Variants in GSG1L observed in about 807,000 individuals in gnomAD.
GSG1L encodes the protein germ cell-specific gene 1-like protein.
In GSG1L, 24 loss-of-function variants were observed where a neutral mutation model predicts 42.1. The observed-to-expected ratio is 0.57, with a 90% CI of 0.41 to 0.80. The LOEUF (loss-of-function observed/expected upper bound fraction) is 0.80. GSG1L is among the 30% of genes least tolerant of loss of function. GSG1L has a pLI of 0.00. For missense variants in GSG1L, 445 were observed against 472.2 expected (o/e 0.94, Z 0.53); for synonymous variants, 215 against 203.5 (o/e 1.06, Z -0.48).
chr16:27,956,115 G>T (rs551389722), intron 2 of GSG1L, among the ~76,000 whole-genome samples: 57 of 152,204 alleles, frequency 3.7e-4, no homozygotes, highest in African/African-American at 1.3e-3. Context: ...AATGATAGTT[G>T]GTTAATCTAG....
chr16:27,866,544 A>G (rs1261528512), intron 3 of GSG1L, among the ~76,000 whole-genome samples: 1 of 152,028 alleles, frequency 6.6e-6, no homozygotes, highest in Non-Finnish European at 1.5e-5. Flanking sequence ...CTCCACCCCT[A>G]CCCAAATGCA....
rs1191605607 is a variant in GSG1L, at chr16:27,787,622, C to T, written c.*3748G>A. 3 of 152,234 alleles carry T rather than the reference C, an allele frequency of 2.0e-5. No homozygotes were observed. Among genetic ancestry groups the T allele is most frequent in the Non-Finnish European group, 4.4e-5 (3 of 68,038 alleles). The allele number at this position is 152,234 out of a possible 1,614,324, so 9.4% of individuals were successfully genotyped here. A position where few individuals can be genotyped will look rare whatever the true frequency, so the allele number is the denominator to read the frequency against. On this transcript the variant is annotated 3_prime_UTR_variant, in exon 7 of 7. Coordinates refer to ENST00000447459, the MANE Select transcript of GSG1L (RefSeq NM_001109763.2). ...ATTTTGGTTTCATCCTAAGCAGTAA[C>T]GTCTGTGAAGTCATAGCACTGATGT...
At chr16:27,846,039 A>T (rs566642013) in intron 3 of GSG1L, among the ~76,000 whole-genome samples, 1 of 152,062 alleles carries the variant, frequency 6.6e-6, no homozygotes, top group South Asian at 2.1e-4. Flanking sequence ...AGTAGCTGGG[A>T]CTACAAGCAC....
At chr16:27,836,659 C>G (rs1433000644) in intron 4 of GSG1L, among the ~76,000 whole-genome samples, 3 of 152,090 alleles carry the variant, frequency 2.0e-5, no homozygotes, top group Non-Finnish European at 4.4e-5. Flanking sequence ...ATTGAGCTTT[C>G]TATTTTGGTT....
intron 3 of GSG1L, among the ~76,000 whole-genome samples, chr16:27,874,784 C>T (rs1031782388): frequency 3.3e-5 from 5 of 152,106 alleles, no homozygotes; most frequent in Non-Finnish European, 7.4e-5. Flanking sequence ...ACAGCTGTCA[C>T]CTTAAGTAGA....
intron 2 of GSG1L, among the ~76,000 whole-genome samples, chr16:27,900,220 G>A (rs761204789): frequency 2.0e-5 from 3 of 152,182 alleles, no homozygotes; most frequent in Admixed American, 2.0e-4. Flanking sequence ...CACACCCAGT[G>A]ACAACCACGC....
At chr16:27,830,470 C>T (rs929602095) in intron 4 of GSG1L, among the ~76,000 whole-genome samples, 14 of 150,296 alleles carry the variant, frequency 9.3e-5, no homozygotes, top group Non-Finnish European at 4.4e-5. Context: ...AGGACTCTGC[C>T]TTTCTCAAAG....
At chr16:27,808,683 A>G (rs1022135128) in intron 5 of GSG1L, among the ~76,000 whole-genome samples, 8 of 152,132 alleles carry the variant, frequency 5.3e-5, no homozygotes, top group African/African-American at 1.9e-4. Flanking sequence ...CCTCCCAATA[A>G]AACACTTCCT....
rs1193632295 is a variant in GSG1L at position 27,888,462 on chromosome 16, T to TTCTTTCTTTCTTTC, written c.398-3825_398-3824insGAAAGAAAGAAAGA. On this transcript the variant is annotated intron_variant, in intron 2 of 6. Transcript: ENST00000447459. ...TTTCTTTCTTTCTTTCTTTCTTTCTTTCTCTCTCTCTCTCTCTTTCCTTTC... is the reference window on the plus strand; with the variant it reads ...TTTCTTTCTTTCTTTCTTTCTTTCTTTCTTTCTTTCTTTCTCTCTCTCTCTCTCTCTTTCCTTTC... Among the ~76,000 whole-genome samples, 4 of 37,914 alleles carry TTCTTTCTTTCTTTC rather than the reference T, an allele frequency of 1.1e-4. 1 individual carries two copies. In the East Asian group the frequency reaches 2.1e-3, roughly 19 times the overall value. The allele number at this position is 37,914 out of a possible 152,430, so 24.9% of individuals were successfully genotyped here.
chr16:27,892,789 C>CAA lies in GSG1L; in HGVS notation c.398-8153_398-8152dup, dbSNP rs67758245. On this transcript the variant is annotated intron_variant, in intron 2 of 6. Transcript: ENST00000447459. ...TGAGTGACAGAAGGAGACTCAGTCT[C>CAA]AAAAAAAAAAAAAAAAAAAAGTCAC... 3.0e-3 allele frequency among the ~76,000 whole-genome samples: 290 copies of CAA among 96,626 alleles called. 3 individuals carry two copies. The highest frequency in any genetic ancestry group is 0.01 in the African/African-American group (265 of 25,408). 63.4% of individuals were successfully genotyped at this position (96,626 alleles called of 152,430 possible).
intron 1 of GSG1L, among the ~76,000 whole-genome samples, chr16:28,012,927 T>C: frequency 6.7e-6 from 1 of 150,352 alleles, no homozygotes; most frequent in East Asian, 2.0e-4. Flanking sequence ...CAATGCAATT[T>C]ATAAAACTTA....
intron 2 of GSG1L, among the ~76,000 whole-genome samples, chr16:27,916,179 C>T (rs1367221700): frequency 6.6e-6 from 1 of 152,212 alleles, no homozygotes; most frequent in African/African-American, 2.4e-5. Context: ...GTATAATTCA[C>T]ACTCCAGAGC....
At chr16:27,938,192 G>A (rs2084741127) in intron 2 of GSG1L, among the ~76,000 whole-genome samples, 1 of 152,106 alleles carries the variant, frequency 6.6e-6, no homozygotes, top group Non-Finnish European at 1.5e-5. Context: ...GGCAATGATT[G>A]GCACCACTAA....
Position 27,949,925 on chromosome 16 carries a change from A to AAAAC in GSG1L, c.397+13227_397+13230dup, listed in dbSNP as rs541234298. ...GGGCGACAGAGTGAGACTCCGTCTC[A>AAAAC]AAACAAACAAACAAACAAACAAACA... is the stretch of plus-strand genomic sequence containing the variant. On this transcript the variant is annotated intron_variant, in intron 2 of 6. Transcript: ENST00000447459. Among the ~76,000 whole-genome samples the AAAAC allele has an allele frequency of 6.3e-3, 964 of 152,276 alleles. 10 individuals carry two copies. Among genetic ancestry groups the AAAAC allele is most frequent in the African/African-American group, 0.021 (856 of 41,554 alleles).
chr16:27,896,331 A>G (rs2141037654), intron 2 of GSG1L, among the ~76,000 whole-genome samples: 1 of 152,278 alleles, frequency 6.6e-6, no homozygotes, highest in Middle Eastern at 3.4e-3. Context: ...AGGGCTCTCA[A>G]AGGTGTCCCC....
intron 1 of GSG1L, among the ~76,000 whole-genome samples, chr16:28,025,166 G>A (rs1390449754): frequency 6.6e-6 from 1 of 152,188 alleles, no homozygotes. Context: ...CTGGGGCTCT[G>A]GGAAGAGCAG....
chr16:27,989,238 T>G (rs7192525), intron 1 of GSG1L, among the ~76,000 whole-genome samples: 5,142 of 152,202 alleles, frequency 0.034, 294 homozygotes, highest in African/African-American at 0.12. Flanking sequence ...ATGACTATTA[T>G]TTTGCAGTCA....
chr16:27,886,927 T>C (rs1482228326), intron 2 of GSG1L, among the ~76,000 whole-genome samples: 1 of 151,940 alleles, frequency 6.6e-6, no homozygotes, highest in Non-Finnish European at 1.5e-5. Flanking sequence ...AAGCTCTCTG[T>C]CTCTTTTCTT....
intron 6 of GSG1L, 58 bp downstream of exon 6, chr16:27,807,429 T>A: frequency 6.9e-7 from 1 of 1,442,524 alleles, no homozygotes; most frequent in South Asian, 1.2e-5. Context: ...CAGGGATTCT[T>A]TCTCCTCTGG....
Sources: gnomAD v4.1 joint callset for allele counts (sites outside exome capture counted in the v4.1 genomes callset) on GRCh38, gnomAD v4.1.1 for gene constraint, MANE v1.5 for transcripts, NCBI Gene and HGNC (gene_info 2026-07-23, HGNC 2026-07-21) for gene names.